Variants in GK5 observed in about 807,000 individuals in gnomAD.
The protein encoded by GK5 is ATP:glycerol 3-phosphotransferase 5.
In GK5, 39 loss-of-function variants were observed where a neutral mutation model predicts 77.3. The observed-to-expected ratio is 0.50, with a 90% confidence interval of 0.39 to 0.66. GK5 has a LOEUF of 0.66. Ranked by LOEUF, GK5 falls within the 30% of genes least tolerant of loss-of-function variation. GK5 has a pLI of 0.00. For synonymous variants in GK5, 211 were observed against 208.0 expected, an observed-to-expected ratio of 1.01 and a Z score of -0.13; for missense variants, 487 against 633.8, an observed-to-expected ratio of 0.77 and a Z score of 2.49.
In GK5 at chr3:142,162,397, C is replaced by A. The variant is rs1239463904; in HGVS notation, c.*3225G>T. 6.6e-6 allele frequency: 1 copy of A among 152,072 alleles called. No individual in the cohort carries two copies. The highest frequency in any genetic ancestry group is 1.5e-5 in the Non-Finnish European group (1 of 68,020). 9.4% of individuals were successfully genotyped at this position (152,072 alleles called of 1,614,324 possible). A position where few individuals can be genotyped will look rare whatever the true frequency, so the allele number is the denominator to read the frequency against. On this transcript the variant is annotated 3_prime_UTR_variant, in exon 16 of 16. Coordinates refer to ENST00000392993, the MANE Select transcript of GK5 (RefSeq NM_001039547.3). ...AGAGGTCAGGGATATTGCTAAACAT[C>A]CTATAAAGTACAGCATAGCATCCCA...
At chr3:142,221,158 G>T (rs936098643) in intron 1 of GK5, among the ~76,000 whole-genome samples, 4 of 152,208 alleles carry the variant, frequency 2.6e-5, no homozygotes, top group African/African-American at 9.7e-5. Flanking sequence ...AATATGGGGA[G>T]TATAAGTGTT....
At chr3:142,209,569 AAATT>A (rs1364153773) in intron 3 of GK5, among the ~76,000 whole-genome samples, 2 of 152,232 alleles carry the variant, frequency 1.3e-5, no homozygotes, top group Admixed American at 6.5e-5. Flanking sequence ...GCAATGTTGT[AAATT>A]AATTGTCTTA....
intron 11 of GK5, among the ~76,000 whole-genome samples, chr3:142,180,055 T>C (rs977591698): frequency 2.0e-5 from 3 of 152,098 alleles, no homozygotes; most frequent in African/African-American, 7.2e-5. Flanking sequence ...TTCTTTAGAT[T>C]TTTTTCATTC....
intron 9 of GK5, chr3:142,185,357 G>C (rs2063754623): frequency 2.3e-6 from 1 of 429,680 alleles, no homozygotes; most frequent in Non-Finnish European, 3.1e-6. Context: ...AGGCTGCAGT[G>C]AGGCATGATT....
Position 142,159,847 on chromosome 3 carries a change from C to CTTTTTTTTTTTTT in GK5, c.*5774_*5775insAAAAAAAAAAAAA, listed in dbSNP as rs1407448771. ...TGGGGCTTTCTCTCTCTCTCTCTCT[C>CTTTTTTTTTTTTT]TCTCTCTTTTTTTTTTTTGAGACAG... On this transcript the variant is annotated 3_prime_UTR_variant, in exon 16 of 16. Transcript: ENST00000392993. The CTTTTTTTTTTTTT allele has an allele frequency of 1.4e-4, 14 of 103,214 alleles. No individual in the cohort carries two copies. Among genetic ancestry groups the CTTTTTTTTTTTTT allele is most frequent in the African/African-American group, 5.2e-4 (13 of 25,198 alleles). The allele number at this position is 103,214 out of a possible 1,614,324, so 6.4% of individuals were successfully genotyped here. A position where few individuals can be genotyped will look rare whatever the true frequency, so the allele number is the denominator to read the frequency against.
At chr3:142,194,445 G>A (rs2063902553) in intron 5 of GK5, among the ~76,000 whole-genome samples, 1 of 151,846 alleles carries the variant, frequency 6.6e-6, no homozygotes, top group Non-Finnish European at 1.5e-5. Context: ...AGAATCACTT[G>A]AGCCTGGGAC....
intron 11 of GK5, among the ~76,000 whole-genome samples, chr3:142,181,119 G>A (rs1422514794): frequency 1.3e-5 from 2 of 151,982 alleles, no homozygotes; most frequent in Non-Finnish European, 1.5e-5. Flanking sequence ...CCTGTACTTC[G>A]GTCCTTTGCC....
At position 142,187,096 on chromosome 3, in the gene GK5, A is replaced by G. The variant is rs1258383993; in HGVS notation, c.620-583T>C. On this transcript the variant is annotated intron_variant, in intron 6 of 15. Coordinates refer to ENST00000392993, the MANE Select transcript of GK5 (RefSeq NM_001039547.3). ...AGATGTTAATGTCACCCATAGTTAT[A>G]CCCACTAGCAAAATGGCAGATTTGT... Among the ~76,000 whole-genome samples the G allele has an allele frequency of 3.9e-5, 6 of 152,264 alleles. No homozygotes were observed. The East Asian group carries it at 1.2e-3, about 29-fold the overall frequency.
rs912112501 is a variant in GK5 at position 142,221,411 on chromosome 3, C to T, written c.147+3898G>A. 3.3e-5 allele frequency among the ~76,000 whole-genome samples: 5 copies of T among 152,214 alleles called. No homozygotes were observed. In the East Asian group the frequency reaches 7.7e-4, roughly 23 times the overall value. ...GACTTGACTCAGGGTCACTTCCCCC[C>T]ACTTTACCAATCAGGATGTCACATA... is the stretch of plus-strand genomic sequence containing the variant. On this transcript the variant is annotated intron_variant, in intron 1 of 15. Transcript: ENST00000392993.
rs1407448771 is a variant in GK5, at chr3:142,159,847, C to CTTTTTTT, written c.*5774_*5775insAAAAAAA. On this transcript the variant is annotated 3_prime_UTR_variant, in exon 16 of 16. Transcript: ENST00000392993. Reference sequence around the variant, plus strand: ...TGGGGCTTTCTCTCTCTCTCTCTCTCTCTCTCTTTTTTTTTTTTGAGACAG... The same window carrying CTTTTTTT: ...TGGGGCTTTCTCTCTCTCTCTCTCTCTTTTTTTTCTCTCTTTTTTTTTTTTGAGACAG... 20 of 103,194 alleles carry CTTTTTTT rather than the reference C, an allele frequency of 1.9e-4. No individual in the cohort carries two copies. The highest frequency in any genetic ancestry group is 7.9e-4 in the African/African-American group (20 of 25,178). The allele number at this position is 103,194 out of a possible 1,614,324, so 6.4% of individuals were successfully genotyped here.
chr3:142,184,882 T>C, intron 9 of GK5: 1 of 985,644 alleles, frequency 1.0e-6, no homozygotes, highest in Non-Finnish European at 1.2e-6. Flanking sequence ...TAAAGAACCC[T>C]CTGTCACTAA....
chr3:142,175,954 A>T (rs1480921148), intron 12 of GK5, among the ~76,000 whole-genome samples: 2 of 151,598 alleles, frequency 1.3e-5, no homozygotes, highest in Non-Finnish European at 2.9e-5. Flanking sequence ...CACATTTTTC[A>T]GAGAGAAGAA....
In GK5 at chr3:142,161,963, C is replaced by T. The variant is rs111485353; in HGVS notation, c.*3659G>A. On this transcript the variant is annotated 3_prime_UTR_variant, in exon 16 of 16. Coordinates refer to ENST00000392993, the MANE Select transcript of GK5 (RefSeq NM_001039547.3). ...TATATGTGTGTGTCACCACACCCAG[C>T]TAATTTGTGTATTTTTTGTAGAGAT... 3.2e-4 allele frequency: 49 copies of T among 152,122 alleles called. No individual in the cohort carries two copies. The highest frequency in any genetic ancestry group is 1.2e-3 in the African/African-American group (49 of 41,398). 9.4% of individuals were successfully genotyped at this position (152,122 alleles called of 1,614,324 possible).
intron 4 of GK5, chr3:142,204,109 C>A (rs1435555632): frequency 6.1e-6 from 1 of 163,246 alleles, no homozygotes; most frequent in Admixed American, 6.0e-5. Flanking sequence ...GCCTTGAACT[C>A]CTGGGCTCAA....
chr3:142,167,927 G>A (rs566103154), intron 15 of GK5, among the ~76,000 whole-genome samples: 87 of 152,244 alleles, frequency 5.7e-4, no homozygotes, highest in Non-Finnish European at 4.9e-4. Context: ...CAGGTGAATC[G>A]CTTGAACCTG....
intron 4 of GK5, among the ~76,000 whole-genome samples, chr3:142,202,619 A>T (rs2064043594): frequency 6.6e-6 from 1 of 152,238 alleles, no homozygotes; most frequent in South Asian, 2.1e-4. Flanking sequence ...AAAGTGCTTT[A>T]AATGCTCAAT....
Position 142,163,360 on chromosome 3 carries a change from C to T in GK5, c.*2262G>A, listed in dbSNP as rs1159613798. Reference sequence around the variant, plus strand: ...CATGATCTTGGCTCACTGCAACTTCCACCCCCCAGATTCAAGCAATTCTCC... The same window carrying T: ...CATGATCTTGGCTCACTGCAACTTCTACCCCCCAGATTCAAGCAATTCTCC... On this transcript the variant is annotated 3_prime_UTR_variant, in exon 16 of 16. Coordinates refer to ENST00000392993, the MANE Select transcript of GK5 (RefSeq NM_001039547.3). 1.3e-5 allele frequency: 2 copies of T among 151,486 alleles called. No homozygotes were observed. Among genetic ancestry groups the T allele is most frequent in the African/African-American group, 4.9e-5 (2 of 41,212 alleles). The allele number at this position is 151,486 out of a possible 1,614,324, so 9.4% of individuals were successfully genotyped here. A position where few individuals can be genotyped will look rare whatever the true frequency, so the allele number is the denominator to read the frequency against.
chr3:142,180,156 G>C (rs1034696490), intron 11 of GK5, among the ~76,000 whole-genome samples: 4 of 152,164 alleles, frequency 2.6e-5, no homozygotes, highest in African/African-American at 7.2e-5. Flanking sequence ...AATCCCTGTT[G>C]CTTGCTTCTT....
At chr3:142,213,827 GTGTTTTT>G (rs531995524) in intron 2 of GK5, among the ~76,000 whole-genome samples, 1 of 151,708 alleles carries the variant, frequency 6.6e-6, no homozygotes, top group Admixed American at 6.6e-5. Flanking sequence ...TTTTGTTTTT[GTGTTTTT>G]TGTTTTGAGA....
Sources: gnomAD v4.1 joint callset for allele counts (sites outside exome capture counted in the v4.1 genomes callset) on GRCh38, gnomAD v4.1.1 for gene constraint, MANE v1.5 for transcripts, NCBI Gene and HGNC (gene_info 2026-07-23, HGNC 2026-07-21) for gene names.